SAMD4A: variants seen among roughly 807,000 people sequenced by gnomAD.
SAMD4A encodes the protein sterile alpha motif domain containing 4A.
SAMD4A carries 33 observed loss-of-function variants against 81.3 expected under a neutral mutation model. The ratio of observed to expected loss-of-function variants is 0.41; its 90% confidence interval spans 0.31 to 0.54. SAMD4A has a LOEUF of 0.54. Ranked by LOEUF, SAMD4A falls within the 20% of genes least tolerant of loss-of-function variation. The probability of loss-of-function intolerance (pLI) is 0.37; values close to 1 mark genes in which losing one functional copy is unlikely to be tolerated. For synonymous variants in SAMD4A, 389 were observed against 382.1 expected (o/e 1.02, Z -0.21); for missense variants, 854 against 951.1 (o/e 0.90, Z 1.34).
intron 10 of SAMD4A, among the ~76,000 whole-genome samples, chr14:54,776,194 T>A (rs1458486731): frequency 6.6e-6 from 1 of 151,872 alleles, no homozygotes; most frequent in Admixed American, 6.6e-5. Flanking sequence ...AAGCTGAGGC[T>A]TACAGCAAGG....
intron 8 of SAMD4A, among the ~76,000 whole-genome samples, chr14:54,767,555 A>G (rs141143311): frequency 7.2e-5 from 11 of 152,286 alleles, no homozygotes; most frequent in African/African-American, 2.6e-4. Flanking sequence ...CCAGCCACAT[A>G]TGCTGGGACA....
chr14:54,639,109 C>T (rs1157645222), intron 2 of SAMD4A, among the ~76,000 whole-genome samples: 3 of 152,124 alleles, frequency 2.0e-5, no homozygotes, highest in Non-Finnish European at 4.4e-5. Context: ...CTTATTGACC[C>T]CAGCAAATTA....
chr14:54,716,908 T>G (rs1242590258), intron 3 of SAMD4A, among the ~76,000 whole-genome samples: 1 of 152,168 alleles, frequency 6.6e-6, no homozygotes, highest in Non-Finnish European at 1.5e-5. Context: ...CTCTCAGTGG[T>G]GCTTCTAAAT....
chr14:54,601,580 A>G (rs183247889), intron 2 of SAMD4A, among the ~76,000 whole-genome samples: 11 of 152,348 alleles, frequency 7.2e-5, no homozygotes, highest in African/African-American at 2.4e-4. Flanking sequence ...TGCCTATTGT[A>G]CAAATATTTT....
chr14:54,609,898 C>G (rs1204374773), intron 2 of SAMD4A, among the ~76,000 whole-genome samples: 1 of 152,188 alleles, frequency 6.6e-6, no homozygotes, highest in Non-Finnish European at 1.5e-5. Flanking sequence ...TTGTGGGTTT[C>G]TTTTCACAAT....
intron 4 of SAMD4A, among the ~76,000 whole-genome samples, chr14:54,746,856 G>C (rs1041796515): frequency 2.6e-5 from 4 of 152,210 alleles, no homozygotes; most frequent in African/African-American, 9.7e-5. Context: ...GATGTAAATA[G>C]CAAACGTGAA....
chr14:54,586,646 C>T (rs2033628913), intron 2 of SAMD4A, among the ~76,000 whole-genome samples: 1 of 152,128 alleles, frequency 6.6e-6, no homozygotes, highest in South Asian at 2.1e-4. Context: ...CTACATGTGG[C>T]TTGCCAATTA....
intron 7 of SAMD4A, among the ~76,000 whole-genome samples, chr14:54,762,101 G>T (rs1342616111): frequency 1.3e-5 from 2 of 152,194 alleles, no homozygotes; most frequent in African/African-American, 4.8e-5. Context: ...GCCTGTCGGG[G>T]AGGGTAGACT....
At chr14:54,589,800 C>A (rs1358220889) in intron 2 of SAMD4A, among the ~76,000 whole-genome samples, 1 of 152,166 alleles carries the variant, frequency 6.6e-6, no homozygotes, top group Non-Finnish European at 1.5e-5. Flanking sequence ...TCATATAAGG[C>A]AGGAGTTCCC....
At chr14:54,711,043 G>A (rs2036977846) in intron 3 of SAMD4A, among the ~76,000 whole-genome samples, 1 of 152,174 alleles carries the variant, frequency 6.6e-6, no homozygotes, top group Non-Finnish European at 1.5e-5. Flanking sequence ...TTCAATAAGA[G>A]ATGGCATGTG....
chr14:54,601,635 C>T (rs936522780), intron 2 of SAMD4A, among the ~76,000 whole-genome samples: 3 of 152,138 alleles, frequency 2.0e-5, no homozygotes, highest in African/African-American at 4.8e-5. Flanking sequence ...TTAGGAATGG[C>T]AGGATTAGAG....
At chr14:54,699,810 G>C (rs1386379057) in intron 2 of SAMD4A, among the ~76,000 whole-genome samples, 2 of 152,054 alleles carry the variant, frequency 1.3e-5, no homozygotes. Flanking sequence ...CAGACCCCAG[G>C]GCAGAGATTC....
At chr14:54,668,568 C>G (rs1330908292) in intron 2 of SAMD4A, among the ~76,000 whole-genome samples, 1 of 152,144 alleles carries the variant, frequency 6.6e-6, no homozygotes, top group Non-Finnish European at 1.5e-5. Flanking sequence ...TATCTCTGTC[C>G]TTACTTGGGC....
chr14:54,757,526 TA>T (rs1472029028), intron 6 of SAMD4A, among the ~76,000 whole-genome samples: 3 of 151,928 alleles, frequency 2.0e-5, no homozygotes, highest in Non-Finnish European at 4.4e-5. Context: ...GCTCTTCACA[TA>T]ACCAAAATCT....
intron 2 of SAMD4A, among the ~76,000 whole-genome samples, chr14:54,592,753 C>T (rs2033813589): frequency 6.6e-6 from 1 of 152,216 alleles, no homozygotes; most frequent in Non-Finnish European, 1.5e-5. Context: ...GCCACCGCAC[C>T]CGGCCATTGT....
intron 2 of SAMD4A, among the ~76,000 whole-genome samples, chr14:54,608,749 C>T (rs1179799840): frequency 6.6e-6 from 1 of 152,138 alleles, no homozygotes; most frequent in African/African-American, 2.4e-5. Flanking sequence ...AAGAAGAAGG[C>T]TCTTTCTTAG....
At chr14:54,688,165 T>A in intron 2 of SAMD4A, 6 of 985,466 alleles carry the variant, frequency 6.1e-6, no homozygotes, top group Non-Finnish European at 7.2e-6. Context: ...CCCTCACCCC[T>A]AAACTCAGCA....
chr14:54,743,708 C>T (rs1429637515), intron 4 of SAMD4A, among the ~76,000 whole-genome samples: 1 of 152,140 alleles, frequency 6.6e-6, no homozygotes, highest in Non-Finnish European at 1.5e-5. Context: ...TTCCAGGACC[C>T]ATATATGCTT....
At chr14:54,685,856 G>T (rs760768700) in intron 2 of SAMD4A, 1 of 456,582 alleles carries the variant, frequency 2.2e-6, no homozygotes, top group Non-Finnish European at 4.4e-6. Flanking sequence ...AGGAAGTGGT[G>T]TCAGATCAGC....
Sources: allele counts gnomAD v4.1 joint callset (sites outside exome capture counted in the v4.1 genomes callset), GRCh38; gene constraint gnomAD v4.1.1; transcripts MANE v1.5; gene names NCBI Gene and HGNC (gene_info 2026-07-23, HGNC 2026-07-21).